ARHGEF2: variants seen among roughly 807,000 people sequenced by gnomAD.
The protein encoded by ARHGEF2 is rho guanine nucleotide exchange factor 2.
A neutral mutation model predicts 121.0 loss-of-function variants in ARHGEF2; 22 were observed. That is an observed-to-expected ratio of 0.18 (90% CI 0.13 to 0.26). The LOEUF (loss-of-function observed/expected upper bound fraction) is 0.26, where lower values mean the gene tolerates loss of function less well. Ranked by LOEUF, ARHGEF2 falls within the 10% of genes least tolerant of loss-of-function variation. The probability of loss-of-function intolerance (pLI) is 1.00; values close to 1 mark genes in which losing one functional copy is unlikely to be tolerated. For missense variants in ARHGEF2, 907 were observed against 1,336.0 expected, an observed-to-expected ratio of 0.68 and a Z score of 5.01; for synonymous variants, 487 against 530.0, an observed-to-expected ratio of 0.92 and a Z score of 1.11.
Position 155,947,290 on chromosome 1 carries a change from GT to G in ARHGEF2, c.*651del. On this transcript the variant is annotated 3_prime_UTR_variant, in exon 22 of 22. Coordinates refer to ENST00000361247, the MANE Select transcript of ARHGEF2 (RefSeq NM_001162383.2). ...CAACAAAACATTCTGGTCCCTGTGG[GT>G]TTTTTCCCTCACCCCCAACAAACCA... 2.2e-6 allele frequency: 1 copy of G among 448,984 alleles called. No homozygotes were observed. The allele number at this position is 448,984 out of a possible 1,614,324, so 27.8% of individuals were successfully genotyped here.
In ARHGEF2 at chr1:155,969,508, G is replaced by A. The variant is rs779437726; in HGVS notation, c.64-208C>T. 1.4e-5 allele frequency: 20 copies of A among 1,410,916 alleles called. No homozygotes were observed. In the Admixed American group the frequency reaches 2.3e-4, roughly 16 times the overall value. The allele number at this position is 1,410,916 out of a possible 1,614,324, so 87.4% of individuals were successfully genotyped here. A position where few individuals can be genotyped will look rare whatever the true frequency, so the allele number is the denominator to read the frequency against. On this transcript the variant is annotated intron_variant, in intron 1 of 21. Transcript: ENST00000361247. ...GGCCAGGCTCTGGGGCAGCCAGCCC[G>A]GATGGGTTCTGGGTCCCTGACCTAC... is the stretch of plus-strand genomic sequence containing the variant.
Position 155,950,739 on chromosome 1 carries a change from G to T in ARHGEF2, c.2703+90C>A, listed in dbSNP as rs1177397853. On this transcript the variant is annotated intron_variant, in intron 20 of 21. Transcript: ENST00000361247. This position sits in a 1 kb window ranked among gnomAD's most constrained non-coding sequence, Gnocchi z 5.2. Reference sequence around the variant, plus strand: ...TCAAGTCAGTTGACTGATTGCATTTGGGCTCAAATCCCCAATGGCCCAATT... The same window carrying T: ...TCAAGTCAGTTGACTGATTGCATTTTGGCTCAAATCCCCAATGGCCCAATT... 2 of 1,301,490 alleles carry T rather than the reference G, an allele frequency of 1.5e-6. No homozygotes were observed. The highest frequency in any genetic ancestry group is 2.1e-6 in the Non-Finnish European group (2 of 940,160). 80.6% of individuals were successfully genotyped at this position (1,301,490 alleles called of 1,614,324 possible).
At chr1:155,975,714 T>C (rs949282144) in intron 1 of ARHGEF2, among the ~76,000 whole-genome samples, 4 of 151,812 alleles carry the variant, frequency 2.6e-5, no homozygotes, top group Admixed American at 2.0e-4. Context: ...CTCTGCACAC[T>C]CCCCACTCCA....
At chr1:155,954,536 C>T (rs1676260181) in intron 14 of ARHGEF2, among the ~76,000 whole-genome samples, 1 of 151,216 alleles carries the variant, frequency 6.6e-6, no homozygotes, top group Non-Finnish European at 1.5e-5. Context: ...GATCCGCCCA[C>T]CTCGGCCTCC....
chr1:155,969,084 G>GA lies in ARHGEF2; in HGVS notation c.208+71dup, dbSNP rs201883365. ...AGAGTGACCCTCATGGATCCAGGCA[G>GA]AAAAAACAGATGAAAAGATCAGGGT... On this transcript the variant is annotated intron_variant, in intron 2 of 21. Transcript: ENST00000361247. The GA allele has an allele frequency of 1.5e-3, 2,364 of 1,579,968 alleles. 32 individuals carry two copies. In the African/African-American group the frequency reaches 0.029, roughly 20 times the overall value.
In ARHGEF2 at chr1:155,964,969, T is replaced by G; in HGVS notation, c.724+19A>C. 6.2e-7 allele frequency: 1 copy of G among 1,607,812 alleles called. No homozygotes were observed. The highest frequency in any genetic ancestry group is 8.5e-7 in the Non-Finnish European group (1 of 1,176,276). On this transcript the variant is annotated intron_variant, in intron 7 of 21. Transcript: ENST00000361247. ...GGACCTGGTGAAGGAAGAGGAAGAC[T>G]AGGGTGGTCTTGGCTTACCATAGAT...
rs1178151894 is a variant in ARHGEF2, at chr1:155,951,722, C to A, written c.2208+19G>T. The A allele has an allele frequency of 6.2e-7, 1 of 1,614,148 alleles. No homozygotes were observed. Among genetic ancestry groups the A allele is most frequent in the Admixed American group, 1.7e-5 (1 of 60,014 alleles). On this transcript the variant is annotated intron_variant, in intron 18 of 21. Transcript: ENST00000361247. The surrounding 1 kb of genome is among the most constrained non-coding windows in gnomAD (Gnocchi z 5.1). The stretch of plus-strand genomic sequence containing the variant: ...AACATCCTCCCTTCAGTCTCCTATA[C>A]CATCAATTCCCATCTCACCTCTTGC...
intron 11 of ARHGEF2, 71 bp from the exon 12 acceptor site, chr1:155,958,467 G>A: frequency 7.9e-7 from 1 of 1,272,644 alleles, no homozygotes. Context: ...TCTTTCCCAA[G>A]GACCAGGCTT....
intron 1 of ARHGEF2, chr1:155,970,273 G>A: frequency 1.0e-6 from 1 of 985,508 alleles, no homozygotes. Context: ...TTCCATCTCT[G>A]CTGTCTCCCA....
intron 14 of ARHGEF2, among the ~76,000 whole-genome samples, chr1:155,953,968 T>C (rs1021015561): frequency 1.3e-5 from 2 of 152,000 alleles, no homozygotes; most frequent in African/African-American, 4.8e-5. Context: ...AATAATATTC[T>C]ACCTTGTTGG....
In ARHGEF2 at chr1:155,951,784, A is replaced by G; in HGVS notation, c.2173-8T>C. ...CTGATTTCCATTTCGATCCTGCAGA[A>G]ATGGGCAAGAATGGGGAGTCAGCAG... is the stretch of plus-strand genomic sequence containing the variant. On this transcript the variant is annotated splice_polypyrimidine_tract_variant and splice_region_variant and intron_variant, in intron 17 of 21. Coordinates refer to ENST00000361247, the MANE Select transcript of ARHGEF2 (RefSeq NM_001162383.2). This position sits in a 1 kb window ranked among gnomAD's most constrained non-coding sequence, Gnocchi z 5.1. 6.2e-7 allele frequency: 1 copy of G among 1,613,878 alleles called. No homozygotes were observed. The highest frequency in any genetic ancestry group is 8.5e-7 in the Non-Finnish European group (1 of 1,179,984).
chr1:155,964,928 A>C, intron 7 of ARHGEF2, 60 bp downstream of exon 7: 1 of 1,527,812 alleles, frequency 6.5e-7, no homozygotes, highest in Non-Finnish European at 8.8e-7. Context: ...AAAATAAAGA[A>C]GGAAGTAGAT....
Position 155,961,549 on chromosome 1 carries a change from C to T in ARHGEF2, c.1468+112G>A. The T allele has an allele frequency of 4.8e-6, 7 of 1,453,870 alleles. No homozygotes were observed. Among genetic ancestry groups the T allele is most frequent in the South Asian group, 1.3e-5 (1 of 77,122 alleles). The allele number at this position is 1,453,870 out of a possible 1,614,324, so 90.1% of individuals were successfully genotyped here. The stretch of plus-strand genomic sequence containing the variant: ...TCGGCCTCCCTAAGTGCTGGGATTA[C>T]AGGCGTTGAGCCACTGCACCCGGCC... On this transcript the variant is annotated intron_variant, in intron 11 of 21. Coordinates refer to ENST00000361247, the MANE Select transcript of ARHGEF2 (RefSeq NM_001162383.2). The surrounding 1 kb of genome is among the most constrained non-coding windows in gnomAD (Gnocchi z 4.7).
In ARHGEF2 at chr1:155,978,134, G is replaced by C. The variant is rs552235785; in HGVS notation, c.63+231C>G. 2.5e-5 allele frequency: 32 copies of C among 1,276,046 alleles called. No individual in the cohort carries two copies. The African/African-American group carries it at 4.6e-4, about 18-fold the overall frequency. The allele number at this position is 1,276,046 out of a possible 1,614,324, so 79.0% of individuals were successfully genotyped here. On this transcript the variant is annotated intron_variant, in intron 1 of 21. Coordinates refer to ENST00000361247, the MANE Select transcript of ARHGEF2 (RefSeq NM_001162383.2). The surrounding 1 kb of genome is among the most constrained non-coding windows in gnomAD (Gnocchi z 4.1). ...CCGGCTTGGAGGCGACCAAGCCCAG[G>C]TCCGCTCCGCTCCCTCCCGGGATCC...
At chr1:155,969,484 G>A (rs1290005478) in intron 1 of ARHGEF2, 184 bp from the exon 2 acceptor site, 5 of 1,425,848 alleles carry the variant, frequency 3.5e-6, no homozygotes, top group Admixed American at 2.8e-5. Context: ...GAGTGACCAG[G>A]CCAGGCTCTG....
chr1:155,969,150 A>G lies in ARHGEF2; in HGVS notation c.208+6T>C. On this transcript the variant is annotated splice_donor_region_variant and intron_variant, in intron 2 of 21. Coordinates refer to ENST00000361247, the MANE Select transcript of ARHGEF2 (RefSeq NM_001162383.2). ...CTGGGTGACTCTCAGGGTCCAAACA[A>G]CTTACTTGGGCAGATGAGGGCTTCC... The G allele has an allele frequency of 1.2e-6, 2 of 1,614,026 alleles. No homozygotes were observed. Among genetic ancestry groups the G allele is most frequent in the Non-Finnish European group, 1.7e-6 (2 of 1,179,910 alleles).
rs765544432 is a variant in ARHGEF2, at chr1:155,951,196, C to T, written c.2336G>A (p.Arg779Gln). ...AGCCTCCCCATCCCGAGAGTTGGCT[C>T]GGCACAGCTTCTCCCGCCGCTCAGG... ...EGPERREKLC[R>Q]ANSRDGEAGR... Residue 779 changes from arginine to glutamine, a missense_variant, in exon 20 of 22, where the codon CGA becomes CAA. By Grantham distance (43) the Arg-to-Gln change is conservative. Transcript: ENST00000361247. This position sits in a 1 kb window ranked among gnomAD's most constrained non-coding sequence, Gnocchi z 5.1. The T allele has an allele frequency of 5.0e-5, 81 of 1,607,782 alleles. No individual in the cohort carries two copies. The highest frequency in any genetic ancestry group is 6.3e-5 in the Non-Finnish European group (74 of 1,178,410).
At chr1:155,953,138 G>A (rs964328727) in intron 14 of ARHGEF2, among the ~76,000 whole-genome samples, 17 of 151,546 alleles carry the variant, frequency 1.1e-4, no homozygotes, top group African/African-American at 3.9e-4. Context: ...GGTGGCACGC[G>A]CCTGTAGTCC....
At chr1:155,954,849 C>T in intron 14 of ARHGEF2, 53 bp downstream of exon 14, 1 of 1,507,664 alleles carries the variant, frequency 6.6e-7, no homozygotes, top group Non-Finnish European at 9.2e-7. Context: ...CATAATATTC[C>T]ATTGTGTGAA....
Sources: allele counts gnomAD v4.1 joint callset (sites outside exome capture counted in the v4.1 genomes callset), GRCh38; gene constraint gnomAD v4.1.1; non-coding constraint Gnocchi (gnomAD v3.1); transcripts MANE v1.5; gene names NCBI Gene and HGNC (gene_info 2026-07-23, HGNC 2026-07-21).